The following ASAP1 variants were observed in gnomAD, a reference collection of about 807,000 sequenced individuals.
The protein encoded by ASAP1 is arf-GAP with SH3 domain, ANK repeat and PH domain-containing protein 1.
ASAP1 carries 43 observed loss-of-function variants against 145.2 expected under a neutral mutation model. That is an observed-to-expected ratio of 0.30 (90% CI 0.23 to 0.38). The LOEUF (loss-of-function observed/expected upper bound fraction) is 0.38. Ranked by LOEUF, ASAP1 falls within the 10% of genes least tolerant of loss-of-function variation. The pLI is 1.00. For missense variants in ASAP1, 1,018 were observed against 1,355.3 expected, an observed-to-expected ratio of 0.75 and a Z score of 3.91; for synonymous variants, 546 against 515.5, an observed-to-expected ratio of 1.06 and a Z score of -0.80.
intron 4 of ASAP1, among the ~76,000 whole-genome samples, chr8:130,222,389 G>A (rs140397878): frequency 5.9e-5 from 9 of 152,316 alleles, no homozygotes; most frequent in African/African-American, 1.9e-4. Context: ...ACTAAGTAGA[G>A]GGATTCAATC....
chr8:130,251,898 G>A (rs560674545), intron 3 of ASAP1, among the ~76,000 whole-genome samples: 1 of 152,208 alleles, frequency 6.6e-6, no homozygotes, highest in African/African-American at 2.4e-5. Flanking sequence ...AGAGGCTTTG[G>A]AGAAATGGCC....
At chr8:130,335,651 G>A (rs903296322) in intron 3 of ASAP1, among the ~76,000 whole-genome samples, 4 of 152,202 alleles carry the variant, frequency 2.6e-5, no homozygotes, top group Admixed American at 2.6e-4. Context: ...TTCTGGGCCT[G>A]ACTTTCCCTT....
chr8:130,108,641 A>C (rs937818291), intron 24 of ASAP1, among the ~76,000 whole-genome samples: 1 of 152,120 alleles, frequency 6.6e-6, no homozygotes, highest in African/African-American at 2.4e-5. Context: ...CCTACTAAAA[A>C]TACAAAAATT....
At chr8:130,311,934 A>G (rs1215933406) in intron 3 of ASAP1, among the ~76,000 whole-genome samples, 1 of 152,146 alleles carries the variant, frequency 6.6e-6, no homozygotes, top group African/African-American at 2.4e-5. Context: ...ATAATGATTT[A>G]TTAATTGTAC....
intron 24 of ASAP1, among the ~76,000 whole-genome samples, chr8:130,092,448 A>G (rs1451044544): frequency 6.6e-6 from 1 of 152,104 alleles, no homozygotes; most frequent in Non-Finnish European, 1.5e-5. Flanking sequence ...GTAACACAGC[A>G]AGACGCCATC....
chr8:130,159,914 A>T lies in ASAP1; in HGVS notation c.960T>A (p.Asn320Lys). Residue 320 changes from asparagine (N) to lysine (K), a missense_variant, in exon 12 of 30, where the codon AAT becomes AAA. By Grantham distance (94) the Asn-to-Lys change is moderately conservative (BLOSUM62 0). Coordinates refer to ENST00000518721, the MANE Select transcript of ASAP1 (RefSeq NM_018482.4). Reference sequence around the variant, plus strand: ...CCTTCTTTTCACTGCCATATTCCTTATTGCCCTGGAGCTGATGCATGCTGT... The same window carrying T: ...CCTTCTTTTCACTGCCATATTCCTTTTTGCCCTGGAGCTGATGCATGCTGT... ...GGYSMHQLQGNKEYGSEKKGY... is the reference protein window; with the variant it reads ...GGYSMHQLQGKKEYGSEKKGY... 1 of 1,614,042 alleles carries T rather than the reference A, an allele frequency of 6.2e-7. No individual in the cohort carries two copies. Among genetic ancestry groups the T allele is most frequent in the Non-Finnish European group, 8.5e-7 (1 of 1,180,010 alleles).
At chr8:130,264,955 G>A (rs1432311112) in intron 3 of ASAP1, among the ~76,000 whole-genome samples, 3 of 152,052 alleles carry the variant, frequency 2.0e-5, no homozygotes, top group Non-Finnish European at 1.5e-5. Context: ...GAAAGAGGGA[G>A]GAACACAGGC....
chr8:130,126,097 A>T lies in ASAP1; in HGVS notation c.1382-8T>A. ...TTGAAAGCCAGGTGGGTTCTGTGGAAAGAATGTTGAAGACAATGAAACAAA... is the reference window on the plus strand; with the variant it reads ...TTGAAAGCCAGGTGGGTTCTGTGGATAGAATGTTGAAGACAATGAAACAAA... On this transcript the variant is annotated splice_polypyrimidine_tract_variant and splice_region_variant and intron_variant, in intron 16 of 29. Transcript: ENST00000518721. 6.3e-7 allele frequency: 1 copy of T among 1,599,030 alleles called. No homozygotes were observed. Among genetic ancestry groups the T allele is most frequent in the Non-Finnish European group, 8.5e-7 (1 of 1,175,460 alleles).
rs112367370 is a variant in ASAP1, at chr8:130,272,645, T to C, written c.187-35651A>G. Among the ~76,000 whole-genome samples the C allele has an allele frequency of 2.9e-3, 439 of 152,316 alleles. 2 individuals carry two copies. Among genetic ancestry groups the C allele is most frequent in the African/African-American group, 0.01 (426 of 41,580 alleles). On this transcript the variant is annotated intron_variant, in intron 3 of 29. Transcript: ENST00000518721. ...ATGGATAAAGAAGATGTAGTATATA[T>C]ACAAATGGAATACTATTTGACCATA... is the stretch of plus-strand genomic sequence containing the variant.
At chr8:130,125,394 G>T (rs1218966034) in intron 17 of ASAP1, among the ~76,000 whole-genome samples, 1 of 152,066 alleles carries the variant, frequency 6.6e-6, no homozygotes, top group Non-Finnish European at 1.5e-5. Context: ...AGGAAAACAA[G>T]TTTAAGTGTA....
chr8:130,171,103 C>T (rs1050917550), intron 9 of ASAP1, among the ~76,000 whole-genome samples: 1 of 152,172 alleles, frequency 6.6e-6, no homozygotes, highest in Non-Finnish European at 1.5e-5. Context: ...TAAAAGTTTA[C>T]GTTCTGACCC....
chr8:130,423,911 G>A (rs1277873975), intron 1 of ASAP1, among the ~76,000 whole-genome samples: 2 of 151,966 alleles, frequency 1.3e-5, no homozygotes, highest in Non-Finnish European at 2.9e-5. Flanking sequence ...AGGAGAATTG[G>A]GAAAATGGGG....
intron 4 of ASAP1, among the ~76,000 whole-genome samples, chr8:130,219,563 C>G (rs986132687): frequency 1.3e-5 from 2 of 152,194 alleles, no homozygotes; most frequent in Admixed American, 6.5e-5. Flanking sequence ...CAAGAGGTTT[C>G]AGAGAGCAGG....
intron 3 of ASAP1, among the ~76,000 whole-genome samples, chr8:130,308,754 T>G (rs1823143743): frequency 6.6e-6 from 1 of 152,148 alleles, no homozygotes; most frequent in Admixed American, 6.5e-5. Flanking sequence ...AGAATGATGA[T>G]GAAGAGGCAA....
intron 3 of ASAP1, among the ~76,000 whole-genome samples, chr8:130,353,533 A>T (rs548296890): frequency 6.6e-6 from 1 of 152,210 alleles, no homozygotes; most frequent in Non-Finnish European, 1.5e-5. Flanking sequence ...ATGTTTTTGT[A>T]GACATTTAGA....
chr8:130,080,049 G>T, intron 25 of ASAP1, 78 bp from the exon 26 acceptor site: 2 of 1,285,582 alleles, frequency 1.6e-6, no homozygotes, highest in Non-Finnish European at 2.3e-6. Flanking sequence ...TTGGCCTGTA[G>T]ACAGGCATTG....
At chr8:130,290,496 A>G (rs1318917661) in intron 3 of ASAP1, among the ~76,000 whole-genome samples, 3 of 152,176 alleles carry the variant, frequency 2.0e-5, no homozygotes, top group Non-Finnish European at 4.4e-5. Context: ...ACCTTCCTGG[A>G]AAGAGGAGTG....
chr8:130,399,008 G>A (rs922588827), intron 2 of ASAP1, among the ~76,000 whole-genome samples: 13 of 152,190 alleles, frequency 8.5e-5, no homozygotes, highest in Non-Finnish European at 1.6e-4. Context: ...CTTCTTTGCC[G>A]CAAAATGTAG....
intron 3 of ASAP1, among the ~76,000 whole-genome samples, chr8:130,240,117 A>T (rs1818434906): frequency 6.6e-6 from 1 of 152,140 alleles, no homozygotes; most frequent in South Asian, 2.1e-4. Context: ...TTCAGCCATA[A>T]CATTTTTTGA....
Sources: gnomAD v4.1 joint callset for allele counts (sites outside exome capture counted in the v4.1 genomes callset) on GRCh38, gnomAD v4.1.1 for gene constraint, MANE v1.5 for transcripts, NCBI Gene and HGNC (gene_info 2026-07-23, HGNC 2026-07-21) for gene names.